Variants in CNTN4 observed in about 807,000 individuals in gnomAD.
The protein encoded by CNTN4 is contactin-4.
CNTN4 carries 77 observed loss-of-function variants against 122.5 expected under a neutral mutation model. The ratio of observed to expected loss-of-function variants is 0.63; its 90% CI spans 0.52 to 0.76. The LOEUF is 0.76. Among genes scored for constraint, CNTN4 ranks in the 30% least tolerant of loss-of-function variants. The probability of loss-of-function intolerance (pLI) is 0.00; values close to 1 mark genes in which losing one functional copy is unlikely to be tolerated. For missense variants in CNTN4, 1,256 were observed against 1,259.1 expected (o/e 1.00, Z 0.04); for synonymous variants, 512 against 447.0 (o/e 1.15, Z -1.83).
intron 3 of CNTN4, among the ~76,000 whole-genome samples, chr3:2,471,404 A>G (rs964885289): frequency 6.6e-6 from 1 of 152,222 alleles, no homozygotes; most frequent in African/African-American, 2.4e-5. Flanking sequence ...AAATATGGTT[A>G]AGGGCTAGCC....
intron 2 of CNTN4, among the ~76,000 whole-genome samples, chr3:2,122,465 T>A (rs1009250003): frequency 6.6e-6 from 1 of 152,200 alleles, no homozygotes; most frequent in Admixed American, 6.5e-5. Context: ...TGTAGCTAAC[T>A]CTTCCCTGCG....
At chr3:2,692,481 G>T (rs534610915) in intron 4 of CNTN4, among the ~76,000 whole-genome samples, 1 of 152,168 alleles carries the variant, frequency 6.6e-6, no homozygotes, top group Middle Eastern at 3.4e-3. Context: ...GAACACGTGG[G>T]ATCTTTTCTA....
chr3:2,694,361 T>C (rs1424866567), intron 4 of CNTN4, among the ~76,000 whole-genome samples: 1 of 152,218 alleles, frequency 6.6e-6, no homozygotes, highest in African/African-American at 2.4e-5. Context: ...TATGTCAGTG[T>C]GTACTTATAG....
At chr3:2,241,553 C>T (rs2039941593) in intron 2 of CNTN4, among the ~76,000 whole-genome samples, 1 of 152,170 alleles carries the variant, frequency 6.6e-6, no homozygotes, top group South Asian at 2.1e-4. Flanking sequence ...TAATGTTTAG[C>T]TTAATGTCTG....
At position 2,108,024 on chromosome 3, in the gene CNTN4, C is replaced by A. The variant is rs549191624; in HGVS notation, c.-145+7385C>A. Among the ~76,000 whole-genome samples the A allele has an allele frequency of 3.7e-4, 57 of 152,258 alleles. No individual in the cohort carries two copies. The South Asian group carries it at 0.011, about 30-fold the overall frequency. On this transcript the variant is annotated intron_variant, in intron 2 of 24. Coordinates refer to ENST00000418658, the MANE Select transcript of CNTN4 (RefSeq NM_175607.3). ...TGAAATCACATCCTCAGGCTTAATT[C>A]CCTCTTTCAAGATTGCCTGTGGTCC...
At chr3:2,129,264 C>CAAAAAAA (rs11390812) in intron 2 of CNTN4, among the ~76,000 whole-genome samples, 1 of 63,846 alleles carries the variant, frequency 1.6e-5, no homozygotes. Context: ...TCCAAACCTG[C>CAAAAAAA]AAAAAAAAAA....
At chr3:2,278,419 C>G (rs1014734131) in intron 2 of CNTN4, among the ~76,000 whole-genome samples, 2 of 152,160 alleles carry the variant, frequency 1.3e-5, no homozygotes, top group African/African-American at 4.8e-5. Context: ...CTTTTGTGAA[C>G]TGGGTGCTAC....
At chr3:2,740,322 T>C (rs948342910) in intron 5 of CNTN4, among the ~76,000 whole-genome samples, 8 of 152,218 alleles carry the variant, frequency 5.3e-5, no homozygotes, top group Admixed American at 5.2e-4. Flanking sequence ...ATTGCACCAC[T>C]ACATTCCATC....
At chr3:2,903,156 A>G (rs927174376) in intron 12 of CNTN4, 151 bp downstream of exon 12, 22 of 736,188 alleles carry the variant, frequency 3.0e-5, no homozygotes, top group Middle Eastern at 3.8e-4. Context: ...GTAATAAGCA[A>G]GTCTATAAAC....
intron 2 of CNTN4, among the ~76,000 whole-genome samples, chr3:2,201,933 C>G (rs777470811): frequency 6.6e-6 from 1 of 151,778 alleles, no homozygotes; most frequent in African/African-American, 2.4e-5. Flanking sequence ...TTTCCCAATC[C>G]TTCTCAAACT....
At chr3:2,753,363 T>C (rs1189517257) in intron 6 of CNTN4, among the ~76,000 whole-genome samples, 2 of 152,218 alleles carry the variant, frequency 1.3e-5, no homozygotes, top group East Asian at 3.8e-4. Flanking sequence ...TAGCAAATAG[T>C]CAGGGCATAA....
chr3:2,955,679 G>A (rs1040207945), intron 13 of CNTN4, among the ~76,000 whole-genome samples: 2 of 152,208 alleles, frequency 1.3e-5, no homozygotes, highest in Non-Finnish European at 2.9e-5. Context: ...CCAACATTTA[G>A]TAGTGGAGCC....
chr3:2,486,293 C>CA (rs753418394), intron 3 of CNTN4, among the ~76,000 whole-genome samples: 12 of 152,186 alleles, frequency 7.9e-5, no homozygotes, highest in Non-Finnish European at 1.3e-4. Flanking sequence ...AACACTCACC[C>CA]ACCGTAAGGG....
At chr3:2,755,735 A>C (rs2090307490) in intron 6 of CNTN4, among the ~76,000 whole-genome samples, 2 of 152,208 alleles carry the variant, frequency 1.3e-5, no homozygotes, top group African/African-American at 4.8e-5. Context: ...TGAAGTATAG[A>C]GATTGCTTTA....
intron 2 of CNTN4, among the ~76,000 whole-genome samples, chr3:2,263,174 C>T (rs1402253446): frequency 1.3e-5 from 2 of 152,104 alleles, no homozygotes; most frequent in African/African-American, 4.8e-5. Context: ...ATTTTGCTCT[C>T]AAACATTAAT....
At chr3:3,012,323 G>C (rs188084550) in intron 14 of CNTN4, among the ~76,000 whole-genome samples, 1 of 152,212 alleles carries the variant, frequency 6.6e-6, no homozygotes, top group African/African-American at 2.4e-5. Flanking sequence ...AAGGATTTTG[G>C]CATTTACTCT....
chr3:2,572,610 A>C (rs1016234850), intron 4 of CNTN4, among the ~76,000 whole-genome samples: 1 of 152,196 alleles, frequency 6.6e-6, no homozygotes, highest in South Asian at 2.1e-4. Context: ...TCAGAGTGTC[A>C]AGTCCAAGAG....
At chr3:2,511,246 A>G (rs941977351) in intron 3 of CNTN4, 1 of 152,166 alleles carries the variant, frequency 6.6e-6, no homozygotes, top group Non-Finnish European at 1.5e-5. Flanking sequence ...AGAAGCCTTA[A>G]TCTCCATCCC....
chr3:2,363,850 C>A (rs2045262862), intron 3 of CNTN4, among the ~76,000 whole-genome samples: 1 of 152,078 alleles, frequency 6.6e-6, no homozygotes, highest in Non-Finnish European at 1.5e-5. Context: ...GTAATTCTGC[C>A]AAAGACTGAA....
Sources: allele counts gnomAD v4.1 joint callset (sites outside exome capture counted in the v4.1 genomes callset), GRCh38; gene constraint gnomAD v4.1.1; transcripts MANE v1.5; gene names NCBI Gene and HGNC (gene_info 2026-07-23, HGNC 2026-07-21).